GFI1B: variants seen among roughly 807,000 people sequenced by gnomAD.
The protein encoded by GFI1B is growth factor independent 1B transcriptional repressor, also known as zinc finger protein Gfi-1b.
In GFI1B, 20 loss-of-function variants were observed where a neutral mutation model predicts 35.3. That is an observed-to-expected ratio of 0.57 (90% CI 0.40 to 0.82). GFI1B has a LOEUF of 0.82. GFI1B is among the 40% of genes least tolerant of loss of function. The probability of loss-of-function intolerance (pLI) is 0.00; values close to 1 mark genes in which losing one functional copy is unlikely to be tolerated. For missense variants in GFI1B, 430 were observed against 446.3 expected, an observed-to-expected ratio of 0.96 and a Z score of 0.33; for synonymous variants, 178 against 177.6, an observed-to-expected ratio of 1.00 and a Z score of -0.02.
chr9:132,961,778 A>G (rs1416990141), intron 1 of GFI1B, among the ~76,000 whole-genome samples: 1 of 151,782 alleles, frequency 6.6e-6, no homozygotes, highest in Non-Finnish European at 1.5e-5. Flanking sequence ...TTTTTAATAG[A>G]GACAGGGTTT....
chr9:132,992,100 G>T (rs1340839720), downstream of GFI1B, among the ~76,000 whole-genome samples: 1 of 152,186 alleles, frequency 6.6e-6, no homozygotes, highest in Non-Finnish European at 1.5e-5. Context: ...AGGAGAGTCT[G>T]TTTTCCTGTC....
intron 1 of GFI1B, among the ~76,000 whole-genome samples, chr9:132,964,743 CTTTTTTTTTTTTTTTTTTT>C (rs71376675): frequency 9.3e-6 from 1 of 107,938 alleles, no homozygotes; most frequent in African/African-American, 3.5e-5. Flanking sequence ...ATTTTTCTTC[CTTTTTTTTTTTTTTTTTTT>C]TTTTTTTTTG....
intron 1 of GFI1B, among the ~76,000 whole-genome samples, chr9:132,947,906 G>A (rs1291320258): frequency 2.8e-5 from 4 of 143,878 alleles, no homozygotes; most frequent in East Asian, 2.0e-4. Context: ...GGCGTTTGCC[G>A]TATTTGAACA....
chr9:132,977,763 C>A (rs796637462), upstream of GFI1B, among the ~76,000 whole-genome samples: 6 of 152,100 alleles, frequency 3.9e-5, no homozygotes, highest in Non-Finnish European at 7.4e-5. Flanking sequence ...CGCCCTCACT[C>A]CCCCCAGCAT....
chr9:132,972,264 A>G (rs977506318), intron 1 of GFI1B, among the ~76,000 whole-genome samples: 1 of 152,032 alleles, frequency 6.6e-6, no homozygotes, highest in Non-Finnish European at 1.5e-5. Context: ...TCTACTAAAA[A>G]TACAGAAATT....
At chr9:132,975,667 C>G (rs1025476656), upstream of GFI1B, among the ~76,000 whole-genome samples, 3 of 152,142 alleles carry the variant, frequency 2.0e-5, no homozygotes, top group Admixed American at 1.3e-4. Flanking sequence ...GTTGTGGGCA[C>G]TCGATACACA....
intron 1 of GFI1B, among the ~76,000 whole-genome samples, chr9:132,969,991 G>T (rs1347719056): frequency 1.3e-5 from 2 of 152,076 alleles, no homozygotes; most frequent in African/African-American, 4.8e-5. Context: ...GCTGCTGGAG[G>T]GCTCCCTGGT....
At chr9:132,960,664 T>A (rs1848348312) in intron 1 of GFI1B, among the ~76,000 whole-genome samples, 1 of 151,854 alleles carries the variant, frequency 6.6e-6, no homozygotes, top group Non-Finnish European at 1.5e-5. Context: ...ACCCGGATAC[T>A]TTTTTTATTT....
chr9:132,989,857 A>G lies in GFI1B; in HGVS notation c.764A>G (p.Lys255Arg). The change falls in exon 6 of 7, where the codon AAG becomes AGG. Residue 255 changes from lysine to arginine, a missense_variant. Physicochemically the swap from Lys to Arg is conservative, Grantham distance 26. Transcript: ENST00000372122. This position sits in a 1 kb window ranked among gnomAD's most constrained non-coding sequence, Gnocchi z 6.2. ...TRPYPCQFCG[K>R]RFHQKSDMKK... ...CCCTACCCCTGCCAGTTCTGCGGCA[A>G]GCGTTTCCACCAGAAGTCCGACATG... 1 of 1,614,248 alleles carries G rather than the reference A, an allele frequency of 6.2e-7. No homozygotes were observed. The highest frequency in any genetic ancestry group is 8.5e-7 in the Non-Finnish European group (1 of 1,180,016).
intron 1 of GFI1B, among the ~76,000 whole-genome samples, chr9:132,968,926 T>A (rs1452470490): frequency 6.6e-6 from 1 of 152,198 alleles, no homozygotes; most frequent in Non-Finnish European, 1.5e-5. Flanking sequence ...CCAGGACTTT[T>A]TCATCTCGCA....
At chr9:132,987,498 C>G in intron 3 of GFI1B, 79 bp downstream of exon 3, 2 of 1,541,402 alleles carry the variant, frequency 1.3e-6, no homozygotes, top group Non-Finnish European at 1.8e-6. Context: ...CAGCAGGGCC[C>G]CTTGGGGCCC....
chr9:132,945,723 T>C (rs1419522957), intron 1 of GFI1B: 1 of 153,748 alleles, frequency 6.5e-6, no homozygotes, highest in Non-Finnish European at 1.5e-5. Flanking sequence ...GGTGCAAAAG[T>C]CATCACGGTT....
intron 1 of GFI1B, among the ~76,000 whole-genome samples, chr9:132,967,006 T>C (rs1848460000): frequency 6.6e-6 from 1 of 152,208 alleles, no homozygotes; most frequent in South Asian, 2.1e-4. Context: ...AAATTAATTG[T>C]CATTGGGAAG....
At chr9:132,978,392 T>C (rs1412440153), upstream of GFI1B, 1 of 152,246 alleles carries the variant, frequency 6.6e-6, no homozygotes, top group Non-Finnish European at 1.5e-5. Flanking sequence ...AATCGAGTTT[T>C]ATAAGTTAGA....
At chr9:132,959,693 G>A (rs181764369) in intron 1 of GFI1B, among the ~76,000 whole-genome samples, 1 of 152,334 alleles carries the variant, frequency 6.6e-6, no homozygotes, top group African/African-American at 2.4e-5. Flanking sequence ...AGTCAGCAGG[G>A]TTGGTTCCCT....
chr9:132,992,798 G>C (rs930552875), downstream of GFI1B, among the ~76,000 whole-genome samples: 8 of 152,106 alleles, frequency 5.3e-5, no homozygotes, highest in Non-Finnish European at 8.8e-5. Flanking sequence ...TTCTGTCTGA[G>C]CTCCAGCCGC....
At chr9:132,973,883 C>A (rs1848577138), upstream of GFI1B, among the ~76,000 whole-genome samples, 1 of 152,190 alleles carries the variant, frequency 6.6e-6, no homozygotes. Context: ...GGAAAGTCTG[C>A]CAGCCCCGGC....
rs62579579 is a variant in GFI1B at position 132,987,908 on chromosome 9, G to A, written c.239-289G>A. On this transcript the variant is annotated intron_variant, in intron 3 of 6. Transcript: ENST00000372122. ...TGCCCAGGCTGGAGTGCAGTGGCAC[G>A]ATCTCAACTCACTGCAACCTCTGCC... is the stretch of plus-strand genomic sequence containing the variant. Among the ~76,000 whole-genome samples, 33,489 of 152,028 alleles carry A rather than the reference G, an allele frequency of 0.22. 4,110 individuals carry two copies. The highest frequency in any genetic ancestry group is 0.28 in the Non-Finnish European group (19,022 of 67,956).
chr9:132,950,554 CTTTTTT>C (rs55667389), intron 1 of GFI1B, among the ~76,000 whole-genome samples: 7 of 81,508 alleles, frequency 8.6e-5, no homozygotes, highest in African/African-American at 4.2e-4. Flanking sequence ...CCCAATCCCA[CTTTTTT>C]TTTTTTTTTT....
Sources: gnomAD v4.1 joint callset for allele counts (sites outside exome capture counted in the v4.1 genomes callset) on GRCh38, gnomAD v4.1.1 for gene constraint, Gnocchi (gnomAD v3.1) non-coding constraint, MANE v1.5 for transcripts, NCBI Gene and HGNC (gene_info 2026-07-23, HGNC 2026-07-21) for gene names.